Variants in BNC1 observed in about 807,000 individuals in gnomAD.
The protein encoded by BNC1 is zinc finger protein basonuclin-1.
Under a neutral mutation model 66.5 loss-of-function variants are expected in BNC1, and 8 were observed. The ratio of observed to expected loss-of-function variants is 0.12; its 90% CI spans 0.07 to 0.22. The LOEUF (loss-of-function observed/expected upper bound fraction) is 0.22. BNC1 is among the 10% of genes least tolerant of loss of function. The pLI is 1.00. For synonymous variants in BNC1, 454 were observed against 452.6 expected (o/e 1.00, Z -0.04); for missense variants, 1,069 against 1,241.3 (o/e 0.86, Z 2.09).
chr15:83,262,096 G>A (rs2038150257), intron 4 of BNC1, among the ~76,000 whole-genome samples: 1 of 144,770 alleles, frequency 6.9e-6, no homozygotes, highest in Non-Finnish European at 1.5e-5. Context: ...TCGCTAGGCT[G>A]GAGTGCAGTG....
chr15:83,271,189 T>C (rs2038266221), intron 1 of BNC1, among the ~76,000 whole-genome samples: 1 of 152,108 alleles, frequency 6.6e-6, no homozygotes, highest in Non-Finnish European at 1.5e-5. Flanking sequence ...GACAGGAGAA[T>C]CGCTTGAACC....
chr15:83,259,011 T>A (rs1208394925), intron 4 of BNC1, among the ~76,000 whole-genome samples: 2 of 152,230 alleles, frequency 1.3e-5, no homozygotes, highest in Non-Finnish European at 2.9e-5. Context: ...GAATTGTGTG[T>A]GTATGTAGTT....
rs750762789 is a variant in BNC1 at position 83,264,426 on chromosome 15, G to A, written c.825C>T (p.Asp275=). ...AGGGCCCATGGACTTCCTGTTTGGG[G>A]TCCTGACTTTGGTCATGACCCTGCT... ...MLEQGHDQSQ[D]PKQEVHGPFP... The change falls in exon 4 of 5, where the codon GAC becomes GAT. Residue 275 remains aspartate (D), a synonymous_variant. Transcript: ENST00000345382. 2 of 1,614,156 alleles carry A rather than the reference G, an allele frequency of 1.2e-6. No individual in the cohort carries two copies. Among genetic ancestry groups the A allele is most frequent in the South Asian group, 2.2e-5 (2 of 91,080 alleles).
chr15:83,278,509 A>T, intron 1 of BNC1, among the ~76,000 whole-genome samples: 1 of 152,228 alleles, frequency 6.6e-6, no homozygotes. Flanking sequence ...AACAAAACTC[A>T]TTGGCCACTT....
intron 1 of BNC1, among the ~76,000 whole-genome samples, chr15:83,284,317 G>A (rs775043743): frequency 1.9e-3 from 296 of 151,860 alleles, no homozygotes; most frequent in Non-Finnish European, 2.9e-3. Flanking sequence ...GGGCAGGGAC[G>A]GGTCCCAGAG....
intron 1 of BNC1, among the ~76,000 whole-genome samples, chr15:83,282,855 T>TTC (rs371948614): frequency 6.6e-6 from 1 of 152,188 alleles, no homozygotes; most frequent in African/African-American, 2.4e-5. Flanking sequence ...GTAACACATG[T>TTC]TCTCTCTCCC....
intron 3 of BNC1, among the ~76,000 whole-genome samples, chr15:83,265,415 T>G (rs970571443): frequency 7.2e-5 from 11 of 152,192 alleles, no homozygotes; most frequent in African/African-American, 2.7e-4. Context: ...CAATAAATAT[T>G]TTATCACAGA....
rs1349618600 is a variant in BNC1, at chr15:83,266,902, C to T, written c.369G>A (p.Glu123=). Residue 123 remains glutamate, a synonymous_variant, in exon 3 of 5, where the codon GAG becomes GAA. Coordinates refer to ENST00000345382, the MANE Select transcript of BNC1 (RefSeq NM_001717.4). ...CCAAGGCATGGAGGATCTGGAGAAC[C>T]TCATCTTGCTTCAACACACTGAAGA... ...DRLFSVLKQD[E]VLQILHALDW... The T allele has an allele frequency of 4.3e-6, 7 of 1,614,142 alleles. No homozygotes were observed. The highest frequency in any genetic ancestry group is 5.9e-6 in the Non-Finnish European group (7 of 1,180,036).
In BNC1 at chr15:83,268,152, C is replaced by T; in HGVS notation, c.180G>A (p.Lys60=). 6.2e-7 allele frequency: 1 copy of T among 1,614,158 alleles called. No individual in the cohort carries two copies. The highest frequency in any genetic ancestry group is 8.5e-7 in the Non-Finnish European group (1 of 1,180,028). ...KINHRQCDQC[K]HGWVAHALSK... Reference sequence around the variant, plus strand: ...AGTTACCGTGGGCCACCCATCCATGCTTGCATTGGTCACACTGACGGTGGT... The same window carrying T: ...AGTTACCGTGGGCCACCCATCCATGTTTGCATTGGTCACACTGACGGTGGT... Residue 60 remains lysine, a synonymous_variant, in exon 2 of 5, where the codon AAG becomes AAA. Coordinates refer to ENST00000345382, the MANE Select transcript of BNC1 (RefSeq NM_001717.4).
intron 1 of BNC1, 82 bp downstream of exon 1, chr15:83,284,447 CG>C: frequency 1.1e-6 from 1 of 929,086 alleles, no homozygotes; most frequent in Non-Finnish European, 1.3e-6. Context: ...CGGGTACCCA[CG>C]GGAGCCGGAG....
intron 1 of BNC1, among the ~76,000 whole-genome samples, chr15:83,283,871 G>A (rs1413196986): frequency 7.2e-5 from 11 of 152,198 alleles, no homozygotes; most frequent in African/African-American, 2.4e-4. Flanking sequence ...GCGACTTTCA[G>A]TCGTGGGTTT....
At chr15:83,270,187 A>G (rs796276171) in intron 1 of BNC1, among the ~76,000 whole-genome samples, 6 of 152,368 alleles carry the variant, frequency 3.9e-5, no homozygotes, top group African/African-American at 1.2e-4. Flanking sequence ...CAATTCACAC[A>G]TACCATATAA....
At chr15:83,283,560 C>T in intron 1 of BNC1, 2 of 966,702 alleles carry the variant, frequency 2.1e-6, no homozygotes, top group Non-Finnish European at 2.5e-6. Flanking sequence ...GGCTTCCCGT[C>T]CCGGCGCTTC....
At chr15:83,275,523 T>C (rs2038312124) in intron 1 of BNC1, among the ~76,000 whole-genome samples, 1 of 149,934 alleles carries the variant, frequency 6.7e-6, no homozygotes, top group South Asian at 2.1e-4. Context: ...AGAAGAAAGC[T>C]ATGCTAATGA....
At chr15:83,258,531 TC>T (rs2151433979) in intron 4 of BNC1, among the ~76,000 whole-genome samples, 1 of 152,218 alleles carries the variant, frequency 6.6e-6, no homozygotes, top group South Asian at 2.1e-4. Context: ...CAGCAGCACT[TC>T]CCCCATTGTA....
chr15:83,271,161 A>C (rs2038265999), intron 1 of BNC1, among the ~76,000 whole-genome samples: 1 of 152,164 alleles, frequency 6.6e-6, no homozygotes, highest in African/African-American at 2.4e-5. Context: ...CTGTAGACCC[A>C]GCTACTCAGG....
chr15:83,270,149 C>A (rs2038255891), intron 1 of BNC1, among the ~76,000 whole-genome samples: 1 of 152,146 alleles, frequency 6.6e-6, no homozygotes, highest in African/African-American at 2.4e-5. Flanking sequence ...TTGTTTTCAT[C>A]TTTGAGAAAA....
Position 83,263,089 on chromosome 15 carries a change from T to G in BNC1, c.2162A>C (p.Gln721Pro), listed in dbSNP as rs140566270. 1.9e-6 allele frequency: 3 copies of G among 1,614,154 alleles called. No homozygotes were observed. The highest frequency in any genetic ancestry group is 2.5e-6 in the Non-Finnish European group (3 of 1,180,052). ...AAAGGTCTTCTTGCAGATGTCACAC[T>G]GGAAGCGATTTTCTTCTATCTGCCT... ...LARQIEENRF[Q>P]CDICKKTFKN... is the part of the protein sequence containing the mutation. Residue 721 changes from glutamine (Q) to proline (P), a missense_variant, in exon 4 of 5, where the codon CAG (glutamine) becomes CCG (proline). Physicochemically the swap from Gln to Pro is moderately conservative, Grantham distance 76. This residue lies in a region of BNC1 where 657 missense variants were observed against 715.8 expected (regional missense o/e 0.92). Transcript: ENST00000345382.
intron 4 of BNC1, among the ~76,000 whole-genome samples, chr15:83,260,668 G>C (rs868476038): frequency 9.2e-5 from 14 of 152,324 alleles, no homozygotes; most frequent in Middle Eastern, 3.4e-3. Flanking sequence ...TATGTCCCCA[G>C]CACCTAACAT....
Sources: gnomAD v4.1 joint callset for allele counts (sites outside exome capture counted in the v4.1 genomes callset) on GRCh38, gnomAD v4.1.1 for gene constraint, gnomAD v4.1.1 regional missense constraint, MANE v1.5 for transcripts, NCBI Gene and HGNC (gene_info 2026-07-23, HGNC 2026-07-21) for gene names.